Variants in DCDC1 observed in about 807,000 individuals in gnomAD.
The protein encoded by DCDC1 is doublecortin domain-containing protein 1.
Under a neutral mutation model 178.3 loss-of-function variants are expected in DCDC1, and 200 were observed. The ratio of observed to expected loss-of-function variants is 1.12; its 90% CI spans 1.00 to 1.26. DCDC1 has a LOEUF of 1.26. DCDC1 is among the 50% of genes most tolerant of loss of function. The probability of loss-of-function intolerance (pLI) is 0.00; values close to 1 mark genes in which losing one functional copy is unlikely to be tolerated. For synonymous variants in DCDC1, 690 were observed against 604.8 expected (o/e 1.14, Z -2.07); for missense variants, 1,983 against 1,749.2 (o/e 1.13, Z -2.38).
intron 20 of DCDC1, among the ~76,000 whole-genome samples, chr11:30,980,585 G>A (rs1400393198): frequency 6.6e-6 from 1 of 152,188 alleles, no homozygotes; most frequent in Non-Finnish European, 1.5e-5. Context: ...TTGTGGCTGT[G>A]CAGAAATGGG....
At chr11:31,149,532 C>T (rs766226964) in intron 9 of DCDC1, among the ~76,000 whole-genome samples, 20 of 152,062 alleles carry the variant, frequency 1.3e-4, no homozygotes, top group Non-Finnish European at 2.5e-4. Flanking sequence ...GCAACCTGCT[C>T]GGGTTGGCTT....
At chr11:31,335,109 T>C (rs1036904746) in intron 2 of DCDC1, among the ~76,000 whole-genome samples, 1 of 152,298 alleles carries the variant, frequency 6.6e-6, no homozygotes, top group Non-Finnish European at 1.5e-5. Flanking sequence ...TCAGCAATGG[T>C]GGATACCCCT....
At chr11:30,891,688 A>G (rs1943790105) in intron 36 of DCDC1, among the ~76,000 whole-genome samples, 1 of 152,162 alleles carries the variant, frequency 6.6e-6, no homozygotes, top group Admixed American at 6.6e-5. Context: ...TTTTTTAAAA[A>G]TCACTTTCCT....
intron 1 of DCDC1, among the ~76,000 whole-genome samples, chr11:31,358,124 C>T (rs1485071035): frequency 4.0e-5 from 6 of 149,998 alleles, no homozygotes; most frequent in East Asian, 2.0e-4. Context: ...GAGCCCGCAT[C>T]GCCAAGTCAA....
chr11:31,327,494 T>C (rs957766823), intron 3 of DCDC1, among the ~76,000 whole-genome samples: 4 of 152,182 alleles, frequency 2.6e-5, no homozygotes, highest in African/African-American at 7.2e-5. Flanking sequence ...GAGAACAAAA[T>C]TGATATAATG....
intron 2 of DCDC1, among the ~76,000 whole-genome samples, chr11:31,328,638 A>C (rs1031738844): frequency 6.6e-6 from 1 of 151,944 alleles, no homozygotes; most frequent in African/African-American, 2.4e-5. Flanking sequence ...CTCTACTAAA[A>C]ATACAAAATA....
chr11:31,226,948 C>G (rs1975049071), intron 9 of DCDC1, among the ~76,000 whole-genome samples: 1 of 151,780 alleles, frequency 6.6e-6, no homozygotes, highest in South Asian at 2.1e-4. Flanking sequence ...AAATAGACGA[C>G]AACAGTGGCA....
chr11:30,914,839 CT>C (rs1009893932), intron 27 of DCDC1, among the ~76,000 whole-genome samples: 4 of 151,128 alleles, frequency 2.6e-5, no homozygotes, highest in South Asian at 2.1e-4. Flanking sequence ...CTTATCAGGA[CT>C]TTTTTTTTAA....
In DCDC1 at chr11:30,881,294, G is replaced by A. The variant is rs1942643352; in HGVS notation, c.5097C>T (p.Cys1699=). 4 of 1,613,182 alleles carry A rather than the reference G, an allele frequency of 2.5e-6. No homozygotes were observed. Among genetic ancestry groups the A allele is most frequent in the South Asian group, 2.2e-5 (2 of 91,034 alleles). The change falls in exon 37 of 39, where the codon TGC becomes TGT. Residue 1699 remains cysteine, a synonymous_variant. Coordinates refer to ENST00000684477, the MANE Select transcript of DCDC1 (RefSeq NM_001387274.1). ...GKTISELLQD[C]SSRLKMTHPA... is the part of the protein sequence containing the mutation. The stretch of plus-strand genomic sequence containing the variant: ...GGTGGGTCATTTTGAGACGAGAGGA[G>A]CAGTCTTGCAGCAGCTGAGACACAG...
chr11:31,271,441 T>C (rs1945543587), intron 7 of DCDC1, among the ~76,000 whole-genome samples: 1 of 152,212 alleles, frequency 6.6e-6, no homozygotes, highest in South Asian at 2.1e-4. Flanking sequence ...TCCCCATACC[T>C]ACCTGATATC....
chr11:30,869,566 G>T (rs1421533433), intron 38 of DCDC1, among the ~76,000 whole-genome samples: 1 of 152,204 alleles, frequency 6.6e-6, no homozygotes, highest in East Asian at 1.9e-4. Flanking sequence ...GAAAGGGCAT[G>T]TCCACAGTGG....
intron 9 of DCDC1, among the ~76,000 whole-genome samples, chr11:31,241,026 T>C (rs1591515612): frequency 2.0e-5 from 3 of 152,012 alleles, no homozygotes; most frequent in East Asian, 3.9e-4. Flanking sequence ...ATGAAGTTGA[T>C]TCACGATTTC....
At chr11:30,967,906 G>A (rs764943646) in intron 20 of DCDC1, among the ~76,000 whole-genome samples, 1 of 152,042 alleles carries the variant, frequency 6.6e-6, no homozygotes, top group Non-Finnish European at 1.5e-5. Flanking sequence ...AGAGCAGTTA[G>A]GTAGAGAAAA....
rs563946042 is a variant in DCDC1, at chr11:30,913,277, G to A, written c.3654-1857C>T. 1.6e-4 allele frequency among the ~76,000 whole-genome samples: 25 copies of A among 152,072 alleles called. No individual in the cohort carries two copies. In the South Asian group the frequency reaches 4.2e-3, roughly 25 times the overall value. The stretch of plus-strand genomic sequence containing the variant: ...CAAAAAATTAGCTGGGCGTGGTGGC[G>A]GGTGCCTGTAGTCCCAGCTACTCGG... On this transcript the variant is annotated intron_variant, in intron 27 of 38. Transcript: ENST00000684477.
chr11:31,058,631 A>G (rs1200252016), intron 20 of DCDC1, among the ~76,000 whole-genome samples: 1 of 152,090 alleles, frequency 6.6e-6, no homozygotes, highest in African/African-American at 2.4e-5. Flanking sequence ...GACATTTAGC[A>G]TAGACTTTGT....
chr11:31,291,982 T>TCAA (rs894813566), intron 6 of DCDC1, among the ~76,000 whole-genome samples: 9 of 151,962 alleles, frequency 5.9e-5, no homozygotes, highest in African/African-American at 1.2e-4. Context: ...TATTAAATGT[T>TCAA]CAACAACAAC....
chr11:30,939,819 C>T (rs937043016), intron 21 of DCDC1, among the ~76,000 whole-genome samples: 4 of 152,102 alleles, frequency 2.6e-5, no homozygotes, highest in Admixed American at 6.6e-5. Context: ...GGTTTTTTCA[C>T]ACTTCTTTTC....
At chr11:31,141,346 A>G (rs376145528) in intron 9 of DCDC1, among the ~76,000 whole-genome samples, 3 of 152,210 alleles carry the variant, frequency 2.0e-5, no homozygotes, top group African/African-American at 7.2e-5. Context: ...CATTCCAGAT[A>G]GGTACTAGCC....
chr11:30,925,567 G>A (rs985692557), intron 22 of DCDC1, among the ~76,000 whole-genome samples, 159 bp from the exon 23 acceptor site: 14 of 152,126 alleles, frequency 9.2e-5, no homozygotes, highest in Admixed American at 4.6e-4. Flanking sequence ...ACCCATTTGA[G>A]TCTCATTTTC....
Sources: gnomAD v4.1 joint callset for allele counts (sites outside exome capture counted in the v4.1 genomes callset) on GRCh38, gnomAD v4.1.1 for gene constraint, MANE v1.5 for transcripts, NCBI Gene and HGNC (gene_info 2026-07-23, HGNC 2026-07-21) for gene names.